Variants in FARS2 observed in about 807,000 individuals in gnomAD.
The protein encoded by FARS2 is phenylalanine--tRNA ligase, mitochondrial.
In FARS2, 40 loss-of-function variants were observed where a neutral mutation model predicts 46.4. The ratio of observed to expected loss-of-function variants is 0.86; its 90% CI spans 0.67 to 1.12. The LOEUF (loss-of-function observed/expected upper bound fraction) is 1.12, where lower values mean the gene tolerates loss of function less well. Ranked by LOEUF, FARS2 falls within the 50% of genes most tolerant of loss-of-function variation. FARS2 has a pLI of 0.00. For missense variants in FARS2, 513 were observed against 567.9 expected, an observed-to-expected ratio of 0.90 and a Z score of 0.98; for synonymous variants, 234 against 214.9, an observed-to-expected ratio of 1.09 and a Z score of -0.78.
intron 4 of FARS2, among the ~76,000 whole-genome samples, chr6:5,542,882 G>A (rs753901930): frequency 2.2e-4 from 33 of 152,050 alleles, no homozygotes; most frequent in Admixed American, 3.9e-4. Flanking sequence ...CCCAATATTT[G>A]GGAGATTTTT....
chr6:5,637,822 G>A (rs1776618140), intron 6 of FARS2, among the ~76,000 whole-genome samples: 1 of 152,144 alleles, frequency 6.6e-6, no homozygotes, highest in African/African-American at 2.4e-5. Flanking sequence ...GTATGTGTCT[G>A]TGTCCTCCAC....
intron 6 of FARS2, among the ~76,000 whole-genome samples, chr6:5,748,318 C>T (rs1761754753): frequency 6.6e-6 from 1 of 152,210 alleles, no homozygotes; most frequent in South Asian, 2.1e-4. Context: ...CTCAGGGACT[C>T]ATCTCGAGTG....
chr6:5,430,443 AT>A (rs1159262383), intron 3 of FARS2, among the ~76,000 whole-genome samples: 3 of 152,140 alleles, frequency 2.0e-5, no homozygotes, highest in Non-Finnish European at 4.4e-5. Flanking sequence ...TCATTCTGGC[AT>A]TTAGCATGTG....
intron 6 of FARS2, among the ~76,000 whole-genome samples, chr6:5,742,845 G>A (rs1761428781): frequency 6.6e-6 from 1 of 152,010 alleles, no homozygotes; most frequent in Admixed American, 6.6e-5. Context: ...AGGAATTCTT[G>A]GATCTAGGAG....
intron 4 of FARS2, among the ~76,000 whole-genome samples, chr6:5,483,142 C>T (rs940999275): frequency 6.6e-6 from 1 of 152,168 alleles, no homozygotes; most frequent in Non-Finnish European, 1.5e-5. Flanking sequence ...CTGCTGGGTT[C>T]TCCTTCAAGC....
chr6:5,269,720 G>T (rs1216460548), intron 1 of FARS2, among the ~76,000 whole-genome samples: 4 of 152,142 alleles, frequency 2.6e-5, no homozygotes, highest in Admixed American at 1.3e-4. Flanking sequence ...AAAATACTAG[G>T]TCAGTGTCTT....
intron 1 of FARS2, among the ~76,000 whole-genome samples, chr6:5,263,729 T>G (rs1765354542): frequency 6.6e-6 from 1 of 152,238 alleles, no homozygotes; most frequent in Admixed American, 6.5e-5. Context: ...CTACCTGTAG[T>G]TCTTTATGGA....
At chr6:5,677,810 T>C (rs1425348507) in intron 6 of FARS2, among the ~76,000 whole-genome samples, 1 of 152,198 alleles carries the variant, frequency 6.6e-6, no homozygotes, top group Admixed American at 6.5e-5. Flanking sequence ...CTGACTTGAT[T>C]GTGAAATTCC....
At chr6:5,583,335 C>G (rs1309256329) in intron 5 of FARS2, among the ~76,000 whole-genome samples, 1 of 152,170 alleles carries the variant, frequency 6.6e-6, no homozygotes, top group Admixed American at 6.5e-5. Flanking sequence ...GCACCTGCAG[C>G]CAGGTGAGAG....
chr6:5,711,292 A>ATGAG (rs1261052332), intron 6 of FARS2, among the ~76,000 whole-genome samples: 2 of 55,530 alleles, frequency 3.6e-5, no homozygotes, highest in South Asian at 5.2e-4. Flanking sequence ...TGCGGGATGG[A>ATGAG]TGAATGAATG....
intron 4 of FARS2, chr6:5,466,875 G>A: frequency 1.0e-6 from 1 of 985,378 alleles, no homozygotes; most frequent in African/African-American, 1.7e-5. Context: ...GCTCTTCTAT[G>A]GATTCCTTGA....
At chr6:5,589,982 A>G (rs771706095) in intron 5 of FARS2, among the ~76,000 whole-genome samples, 4 of 152,252 alleles carry the variant, frequency 2.6e-5, no homozygotes, top group Non-Finnish European at 5.9e-5. Flanking sequence ...GAGACTGCAC[A>G]GTCACTTAAC....
rs562059715 is a variant in FARS2 at position 5,378,620 on chromosome 6, C to T, written c.612+9438C>T. On this transcript the variant is annotated intron_variant, in intron 2 of 6. Transcript: ENST00000274680. ...TGAGTGACAGGGTTTTATTCTCCAC[C>T]GTGTGGTTATTGGGTTTCCTTAATA... Among the ~76,000 whole-genome samples the T allele has an allele frequency of 6.6e-5, 10 of 152,232 alleles. No individual in the cohort carries two copies. The South Asian group carries it at 1.0e-3, about 16-fold the overall frequency.
chr6:5,693,895 G>T (rs1317966841), intron 6 of FARS2, among the ~76,000 whole-genome samples: 1 of 152,212 alleles, frequency 6.6e-6, no homozygotes, highest in African/African-American at 2.4e-5. Flanking sequence ...GTCAGCAGGT[G>T]GAAGCTCCGC....
intron 4 of FARS2, among the ~76,000 whole-genome samples, chr6:5,481,029 T>C (rs1266333659): frequency 1.3e-5 from 2 of 152,238 alleles, no homozygotes; most frequent in Non-Finnish European, 2.9e-5. Flanking sequence ...TAAAACAGTC[T>C]TTGCAGTTAG....
At chr6:5,633,307 G>A (rs904017110) in intron 6 of FARS2, among the ~76,000 whole-genome samples, 21 of 115,788 alleles carry the variant, frequency 1.8e-4, no homozygotes, top group African/African-American at 5.1e-4. Context: ...ACAGAGTCTC[G>A]CTCTGTTGCC....
chr6:5,763,215 G>A (rs954507947), intron 6 of FARS2, among the ~76,000 whole-genome samples: 1 of 152,156 alleles, frequency 6.6e-6, no homozygotes, highest in Non-Finnish European at 1.5e-5. Context: ...TGCAGGCTCT[G>A]GGAATGCTGG....
At chr6:5,370,334 G>A (rs1281774995) in intron 2 of FARS2, among the ~76,000 whole-genome samples, 1 of 151,730 alleles carries the variant, frequency 6.6e-6, no homozygotes, top group Non-Finnish European at 1.5e-5. Context: ...TACACAAAAA[G>A]GCCATCCGTG....
At chr6:5,255,160 T>C in the FARS2 span, among the ~76,000 whole-genome samples, 4 of 152,176 alleles carry the variant, frequency 2.6e-5, no homozygotes, top group Admixed American at 1.3e-4. Context: ...TCTTCAACCC[T>C]ACAGTAGTTA....
Sources: gnomAD v4.1 joint callset for allele counts (sites outside exome capture counted in the v4.1 genomes callset) on GRCh38, gnomAD v4.1.1 for gene constraint, MANE v1.5 for transcripts, NCBI Gene and HGNC (gene_info 2026-07-23, HGNC 2026-07-21) for gene names.